CNTN5: variants seen among roughly 807,000 people sequenced by gnomAD.
CNTN5 encodes contactin 5.
CNTN5 carries 77 observed loss-of-function variants against 129.1 expected under a neutral mutation model. The ratio of observed to expected loss-of-function variants is 0.60; its 90% CI spans 0.50 to 0.72. The LOEUF is 0.72. Ranked by LOEUF, CNTN5 falls within the 30% of genes least tolerant of loss-of-function variation. CNTN5 has a pLI of 0.00. For synonymous variants in CNTN5, 509 were observed against 465.6 expected (o/e 1.09, Z -1.20); for missense variants, 1,478 against 1,328.8 (o/e 1.11, Z -1.75).
chr11:99,481,915 T>A (rs1945616973), intron 2 of CNTN5, among the ~76,000 whole-genome samples: 1 of 152,332 alleles, frequency 6.6e-6, no homozygotes, highest in Non-Finnish European at 1.5e-5. Context: ...GAAGAGATGA[T>A]ATTTTCTTAA....
intron 1 of CNTN5, among the ~76,000 whole-genome samples, chr11:99,310,052 T>G (rs988185120): frequency 6.6e-6 from 1 of 152,096 alleles, no homozygotes; most frequent in Non-Finnish European, 1.5e-5. Context: ...CTTTTTACAG[T>G]GTTGACTGAG....
At chr11:99,589,841 C>A (rs985720959) in intron 3 of CNTN5, among the ~76,000 whole-genome samples, 1 of 152,148 alleles carries the variant, frequency 6.6e-6, no homozygotes, top group African/African-American at 2.4e-5. Flanking sequence ...AGCTTCCTAT[C>A]CTCATAATAT....
rs750521777 is a variant in CNTN5, at chr11:99,796,302, G to A, written c.56-23242G>A. 3.1e-4 allele frequency among the ~76,000 whole-genome samples: 47 copies of A among 152,184 alleles called. 1 individual carries two copies. Among genetic ancestry groups the A allele is most frequent in the Admixed American group, 1.3e-4 (2 of 15,280 alleles). On this transcript the variant is annotated intron_variant, in intron 3 of 24. Coordinates refer to ENST00000524871, the MANE Select transcript of CNTN5 (RefSeq NM_014361.4). ...GGGAGTGGCAGGGTGTGCTCCAGCC[G>A]GCACTCATAGCGTGGTGGAGTGCAT...
intron 13 of CNTN5, among the ~76,000 whole-genome samples, chr11:100,185,480 C>T (rs1014075866): frequency 8.5e-5 from 13 of 152,172 alleles, no homozygotes; most frequent in African/African-American, 2.9e-4. Flanking sequence ...TAAAGAAGAG[C>T]GAGGTCTCGG....
At chr11:99,386,056 G>C (rs902845110) in intron 2 of CNTN5, among the ~76,000 whole-genome samples, 6 of 152,128 alleles carry the variant, frequency 3.9e-5, no homozygotes, top group Non-Finnish European at 5.9e-5. Context: ...AAGATCAACG[G>C]CATATACTGA....
At chr11:100,293,117 TC>T (rs1354948665) in intron 18 of CNTN5, among the ~76,000 whole-genome samples, 1 of 151,856 alleles carries the variant, frequency 6.6e-6, no homozygotes, top group Non-Finnish European at 1.5e-5. Context: ...CTTTTCTTTC[TC>T]CCCTTTTTAG....
intron 2 of CNTN5, among the ~76,000 whole-genome samples, chr11:99,489,417 C>G (rs1228495661): frequency 6.6e-6 from 1 of 152,028 alleles, no homozygotes; most frequent in Non-Finnish European, 1.5e-5. Context: ...ATTTAGAGCA[C>G]CATTTAGTAT....
chr11:99,656,142 C>T (rs1373104276), intron 3 of CNTN5, among the ~76,000 whole-genome samples: 2 of 151,950 alleles, frequency 1.3e-5, no homozygotes, highest in East Asian at 3.9e-4. Flanking sequence ...AATTTATTTG[C>T]AGTCATAGAT....
At chr11:100,182,904 T>TA (rs11424357) in intron 13 of CNTN5, among the ~76,000 whole-genome samples, 8,940 of 148,568 alleles carry the variant, frequency 0.06, 596 homozygotes, top group African/African-American at 0.17. Flanking sequence ...TTATACACTG[T>TA]AAAAAAAAAA....
At chr11:99,825,988 C>G (rs558786819) in intron 4 of CNTN5, among the ~76,000 whole-genome samples, 1 of 152,070 alleles carries the variant, frequency 6.6e-6, no homozygotes, top group Admixed American at 6.5e-5. Flanking sequence ...TTCGTCTGTT[C>G]TTCATTTCTA....
rs142650271 is a variant in CNTN5 at position 99,704,199 on chromosome 11, G to T, written c.56-115345G>T. Among the ~76,000 whole-genome samples, 308 of 150,844 alleles carry T rather than the reference G, an allele frequency of 2.0e-3. 1 individual carries two copies. Among genetic ancestry groups the T allele is most frequent in the African/African-American group, 7.2e-3 (296 of 41,360 alleles). ...ACTGTTTTGTGCAACATTTCCAGAA[G>T]AGTCAATATTCCATCCCAGACTGGG... On this transcript the variant is annotated intron_variant, in intron 3 of 24. Coordinates refer to ENST00000524871, the MANE Select transcript of CNTN5 (RefSeq NM_014361.4).
intron 6 of CNTN5, among the ~76,000 whole-genome samples, chr11:99,904,623 G>A (rs1216494400): frequency 1.3e-5 from 2 of 152,266 alleles, no homozygotes; most frequent in South Asian, 2.1e-4. Context: ...TGTCTTTATA[G>A]TAGAATGATA....
intron 13 of CNTN5, among the ~76,000 whole-genome samples, chr11:100,091,424 C>CTTTTTTTTTTTTTTTTTTTTTTTTCT (rs60075209): frequency 8.7e-6 from 1 of 114,442 alleles, no homozygotes; most frequent in Non-Finnish European, 1.7e-5. Flanking sequence ...TTTATTTATT[C>CTTTTTTTTTTTTTTTTTTTTTTTTCT]TTTTTTTTTT....
At chr11:99,227,808 A>T (rs1349586685) in intron 1 of CNTN5, among the ~76,000 whole-genome samples, 3 of 152,198 alleles carry the variant, frequency 2.0e-5, no homozygotes, top group Admixed American at 1.3e-4. Context: ...TAATTTTTCA[A>T]TTCAGGGATA....
rs949894165 is a variant in CNTN5 at position 99,980,742 on chromosome 11, A to G, written c.878-21292A>G. Among the ~76,000 whole-genome samples the G allele has an allele frequency of 2.6e-5, 4 of 152,090 alleles. No individual in the cohort carries two copies. In the South Asian group the frequency reaches 8.3e-4, roughly 32 times the overall value. On this transcript the variant is annotated intron_variant, in intron 8 of 24. Coordinates refer to ENST00000524871, the MANE Select transcript of CNTN5 (RefSeq NM_014361.4). The stretch of plus-strand genomic sequence containing the variant: ...CAGCTTAATACCTGATAATATGTTC[A>G]GCCTAAAAGGATAATAAGGAAACTG...
intron 2 of CNTN5, among the ~76,000 whole-genome samples, chr11:99,514,987 G>A (rs1946991435): frequency 2.0e-5 from 3 of 152,076 alleles, no homozygotes; most frequent in East Asian, 3.9e-4. Context: ...TTTAAAAAAC[G>A]ATGTGCAATT....
intron 2 of CNTN5, among the ~76,000 whole-genome samples, chr11:99,443,145 A>T (rs757962736): frequency 6.6e-6 from 1 of 152,320 alleles, no homozygotes; most frequent in Non-Finnish European, 1.5e-5. Context: ...AGAAGAAAGA[A>T]AAACAAGGAT....
chr11:99,325,554 C>A (rs1865747814), intron 2 of CNTN5, 70 bp downstream of exon 2: 1 of 152,078 alleles, frequency 6.6e-6, no homozygotes, highest in South Asian at 2.1e-4. Flanking sequence ...AAGATTCATG[C>A]ATATCCTTAA....
At chr11:99,210,721 T>C (rs910095181) in intron 1 of CNTN5, among the ~76,000 whole-genome samples, 2 of 152,148 alleles carry the variant, frequency 1.3e-5, no homozygotes, top group Non-Finnish European at 2.9e-5. Context: ...GTAAATGTTA[T>C]GTTTAGCTGT....
Sources: allele counts gnomAD v4.1 joint callset (sites outside exome capture counted in the v4.1 genomes callset), GRCh38; gene constraint gnomAD v4.1.1; transcripts MANE v1.5; gene names NCBI Gene and HGNC (gene_info 2026-07-23, HGNC 2026-07-21).